The following PPP6R3 variants were observed in gnomAD, a reference collection of about 807,000 sequenced individuals.
The protein encoded by PPP6R3 is serine/threonine-protein phosphatase 6 regulatory subunit 3.
PPP6R3 carries 38 observed loss-of-function variants against 110.7 expected under a neutral mutation model. The ratio of observed to expected loss-of-function variants is 0.34; its 90% CI spans 0.26 to 0.45. The LOEUF is 0.45. Ranked by LOEUF, PPP6R3 falls within the 20% of genes least tolerant of loss-of-function variation. The pLI, the probability that PPP6R3 is intolerant of heterozygous loss-of-function variation, is 1.00. For synonymous variants in PPP6R3, 369 were observed against 373.5 expected (o/e 0.99, Z 0.14); for missense variants, 870 against 1,062.4 (o/e 0.82, Z 2.52).
intron 22 of PPP6R3, 132 bp from the exon 23 acceptor site, chr11:68,609,772 A>G (rs1942414426): frequency 6.5e-7 from 1 of 1,550,062 alleles, no homozygotes; most frequent in Non-Finnish European, 8.9e-7. Context: ...CACCCTGCGC[A>G]TGCTCAGTCC....
intron 1 of PPP6R3, among the ~76,000 whole-genome samples, chr11:68,506,414 C>CAAAAAAAAAAAAAAAAAAAAAAAAAAA (rs67739319): frequency 8.7e-5 from 4 of 46,072 alleles, no homozygotes; most frequent in African/African-American, 2.0e-4. Context: ...CCTTTATACT[C>CAAAAAAAAAAAAAAAAAAAAAAAAAAA]AAAAAAAAAA....
At position 68,613,540 on chromosome 11, in the gene PPP6R3, T is replaced by A; in HGVS notation, c.*423T>A. 1 of 986,774 alleles carries A rather than the reference T, an allele frequency of 1.0e-6. No homozygotes were observed. Among genetic ancestry groups the A allele is most frequent in the Non-Finnish European group, 1.2e-6 (1 of 830,572 alleles). The allele number at this position is 986,774 out of a possible 1,614,324, so 61.1% of individuals were successfully genotyped here. ...AGGCGGTTTTCATACATTTTTCACCTTGTACAAAATTATGAATTCATTTTT... is the reference window on the plus strand; with the variant it reads ...AGGCGGTTTTCATACATTTTTCACCATGTACAAAATTATGAATTCATTTTT... On this transcript the variant is annotated 3_prime_UTR_variant, in exon 24 of 24. Coordinates refer to ENST00000393800, the MANE Select transcript of PPP6R3 (RefSeq NM_001164161.2).
intron 2 of PPP6R3, among the ~76,000 whole-genome samples, chr11:68,528,412 A>T: frequency 1.0e-5 from 1 of 96,328 alleles, no homozygotes; most frequent in East Asian, 3.6e-4. Context: ...GGCACCTGAT[A>T]TTTGATTTAA....
At chr11:68,544,285 C>G (rs891289582) in intron 3 of PPP6R3, among the ~76,000 whole-genome samples, 7 of 152,052 alleles carry the variant, frequency 4.6e-5, no homozygotes, top group African/African-American at 1.7e-4. Context: ...TGTCCTGTTC[C>G]CCCCTTCATT....
chr11:68,507,860 T>A (rs2099086958), intron 1 of PPP6R3, among the ~76,000 whole-genome samples: 1 of 152,208 alleles, frequency 6.6e-6, no homozygotes, highest in Non-Finnish European at 1.5e-5. Context: ...ATGCAATAGC[T>A]ATGATTTCCT....
chr11:68,475,547 C>T (rs1253442140), intron 1 of PPP6R3, among the ~76,000 whole-genome samples: 1 of 150,076 alleles, frequency 6.7e-6, no homozygotes, highest in Non-Finnish European at 1.5e-5. Flanking sequence ...GGGGCTGGCC[C>T]CCCACCTCCC....
At chr11:68,555,886 GTC>G (rs1445242521) in intron 7 of PPP6R3, among the ~76,000 whole-genome samples, 1 of 152,196 alleles carries the variant, frequency 6.6e-6, no homozygotes, top group Non-Finnish European at 1.5e-5. Flanking sequence ...GCTTCCCACA[GTC>G]TGTTTGAGAA....
intron 1 of PPP6R3, among the ~76,000 whole-genome samples, chr11:68,495,319 T>C (rs1443199582): frequency 4.6e-5 from 7 of 152,248 alleles, no homozygotes. Context: ...TTTGCAAATA[T>C]AGATTGCATT....
At chr11:68,554,300 C>T in intron 7 of PPP6R3, 43 bp downstream of exon 7, 1 of 1,437,562 alleles carries the variant, frequency 7.0e-7, no homozygotes, top group Non-Finnish European at 9.7e-7. Flanking sequence ...CATATTGATG[C>T]TGTTCCATGT....
At chr11:68,522,940 C>T (rs1239015037) in intron 2 of PPP6R3, among the ~76,000 whole-genome samples, 1 of 152,204 alleles carries the variant, frequency 6.6e-6, no homozygotes, top group African/African-American at 2.4e-5. Context: ...TCTTTCTTAT[C>T]TCTGAATTAC....
At chr11:68,555,262 A>G (rs969841857) in intron 7 of PPP6R3, among the ~76,000 whole-genome samples, 1 of 152,196 alleles carries the variant, frequency 6.6e-6, no homozygotes, top group African/African-American at 2.4e-5. Flanking sequence ...TTTAAAACAT[A>G]TAAGACACCC....
intron 11 of PPP6R3, 60 bp from the exon 12 acceptor site, chr11:68,570,980 T>G (rs2099502389): frequency 6.5e-6 from 10 of 1,549,780 alleles, no homozygotes; most frequent in Non-Finnish European, 8.7e-6. Flanking sequence ...GAGTTCTGTT[T>G]CACTTTAAAG....
chr11:68,549,614 A>T (rs2099362990), intron 5 of PPP6R3, among the ~76,000 whole-genome samples: 1 of 152,078 alleles, frequency 6.6e-6, no homozygotes, highest in African/African-American at 2.4e-5. Flanking sequence ...GAGGTTGAGG[A>T]TTCTGGGGAA....
intron 1 of PPP6R3, among the ~76,000 whole-genome samples, chr11:68,510,251 G>A (rs2099102124): frequency 6.6e-6 from 1 of 151,914 alleles, no homozygotes; most frequent in African/African-American, 2.4e-5. Flanking sequence ...CAGGTTAAGT[G>A]ATTTGTCTTA....
chr11:68,485,239 G>A (rs1465830707), intron 1 of PPP6R3, among the ~76,000 whole-genome samples: 1 of 139,758 alleles, frequency 7.2e-6, no homozygotes, highest in Non-Finnish European at 1.5e-5. Flanking sequence ...CTTGTAGCCT[G>A]TAACCTTGGT....
At chr11:68,593,714 C>G (rs2099602670) in intron 18 of PPP6R3, among the ~76,000 whole-genome samples, 1 of 152,152 alleles carries the variant, frequency 6.6e-6, no homozygotes, top group Non-Finnish European at 1.5e-5. Context: ...GATGCAGACA[C>G]CCTCATTTAA....
intron 22 of PPP6R3, among the ~76,000 whole-genome samples, chr11:68,605,154 A>T (rs1938843716): frequency 6.6e-6 from 1 of 152,194 alleles, no homozygotes; most frequent in African/African-American, 2.4e-5. Context: ...AGCCTAGGCA[A>T]CGTGGCAAAA....
intron 22 of PPP6R3, among the ~76,000 whole-genome samples, chr11:68,607,403 C>T (rs1940754585): frequency 6.6e-6 from 1 of 152,174 alleles, no homozygotes; most frequent in African/African-American, 2.4e-5. Context: ...CAAGATCCTC[C>T]CTAATCTACA....
chr11:68,534,833 G>T, intron 2 of PPP6R3, among the ~76,000 whole-genome samples: 1 of 152,216 alleles, frequency 6.6e-6, no homozygotes, highest in East Asian at 1.9e-4. Context: ...CAGAAGCATG[G>T]TGGGTGGCAC....
Sources: allele counts gnomAD v4.1 joint callset (sites outside exome capture counted in the v4.1 genomes callset), GRCh38; gene constraint gnomAD v4.1.1; transcripts MANE v1.5; gene names NCBI Gene and HGNC (gene_info 2026-07-23, HGNC 2026-07-21).